The following PCDHA7 variants were observed in gnomAD, a reference collection of about 807,000 sequenced individuals.
The protein encoded by PCDHA7 is protocadherin alpha-7.
Under a neutral mutation model 57.2 loss-of-function variants are expected in PCDHA7, and 37 were observed. The observed-to-expected ratio is 0.65, with a 90% CI of 0.50 to 0.85. PCDHA7 has a LOEUF of 0.85. Among genes scored for constraint, PCDHA7 ranks in the 40% least tolerant of loss-of-function variants. The pLI, the probability that PCDHA7 is intolerant of heterozygous loss-of-function variation, is 0.00. For synonymous variants in PCDHA7, 553 were observed against 558.8 expected (o/e 0.99, Z 0.15); for missense variants, 1,188 against 1,241.8 (o/e 0.96, Z 0.65).
At chr5:140,863,157 C>G in intron 1 of PCDHA7, 1 of 638,958 alleles carries the variant, frequency 1.6e-6, no homozygotes, top group South Asian at 1.4e-5. Flanking sequence ...AGGACCACTG[C>G]GAGCTGGCGC....
At chr5:140,850,617 T>A in intron 1 of PCDHA7, 3 of 1,598,492 alleles carry the variant, frequency 1.9e-6, no homozygotes, top group African/African-American at 2.7e-5. Context: ...CTGCGCGGTG[T>A]CTAGCCTGTT....
chr5:140,851,644 C>A, intron 1 of PCDHA7: 1 of 913,486 alleles, frequency 1.1e-6, no homozygotes, highest in Non-Finnish European at 1.3e-6. Flanking sequence ...TTCCTTTCTT[C>A]AAGAAGACAT....
At chr5:140,848,538 C>G in intron 1 of PCDHA7, 1 of 1,595,318 alleles carries the variant, frequency 6.3e-7, no homozygotes. Flanking sequence ...TCAGCCTCTA[C>G]TGCTCTCGCT....
intron 1 of PCDHA7, among the ~76,000 whole-genome samples, chr5:140,947,543 G>T (rs1013985097): frequency 6.6e-5 from 10 of 151,548 alleles, no homozygotes; most frequent in Non-Finnish European, 1.2e-4. Flanking sequence ...TTTCTACAAA[G>T]AATTCCGCTG....
intron 1 of PCDHA7, chr5:140,884,203 C>G (rs554797854): frequency 6.2e-7 from 1 of 1,613,518 alleles, no homozygotes; most frequent in African/African-American, 1.3e-5. Context: ...CGCCGCACCA[C>G]CGCCTTCTGG....
intron 1 of PCDHA7, among the ~76,000 whole-genome samples, chr5:140,923,018 T>G (rs1353684633): frequency 6.6e-6 from 1 of 152,224 alleles, no homozygotes; most frequent in African/African-American, 2.4e-5. Flanking sequence ...GACTGCAGTT[T>G]CGGACTCTAT....
intron 1 of PCDHA7, chr5:140,858,010 C>T (rs1554151006): frequency 1.3e-6 from 2 of 1,596,376 alleles, no homozygotes; most frequent in South Asian, 1.1e-5. Flanking sequence ...AGGACCATGG[C>T]GAGCCGTCGC....
intron 2 of PCDHA7, among the ~76,000 whole-genome samples, chr5:140,982,032 C>G (rs1554243678): frequency 1.3e-5 from 2 of 152,162 alleles, no homozygotes; most frequent in Non-Finnish European, 2.9e-5. Flanking sequence ...GAACAATACT[C>G]CAATTATCAG....
At chr5:140,850,576 T>C (rs1554144521) in intron 1 of PCDHA7, 1 of 1,598,296 alleles carries the variant, frequency 6.3e-7, no homozygotes, top group East Asian at 2.2e-5. Flanking sequence ...GTGACGCTGG[T>C]GGATGTCAAC....
intron 1 of PCDHA7, chr5:140,871,206 C>T (rs781837610): frequency 2.5e-6 from 4 of 1,613,668 alleles, no homozygotes; most frequent in African/African-American, 1.3e-5. Flanking sequence ...ACCTGATCAT[C>T]GCCATCTGCG....
At chr5:141,009,602 T>G in intron 3 of PCDHA7, 25 bp from the exon 4 acceptor site, 1 of 1,608,136 alleles carries the variant, frequency 6.2e-7, no homozygotes, top group Non-Finnish European at 8.5e-7. Flanking sequence ...ACCCTGTTAA[T>G]GATTTGTAAT....
intron 1 of PCDHA7, among the ~76,000 whole-genome samples, chr5:140,944,016 A>G (rs2093596830): frequency 6.6e-6 from 1 of 152,182 alleles, no homozygotes; most frequent in Non-Finnish European, 1.5e-5. Flanking sequence ...CCCAAAAGCA[A>G]TTATCTTCAA....
chr5:140,850,431 C>T (rs2150484020), intron 1 of PCDHA7: 3 of 1,597,912 alleles, frequency 1.9e-6, no homozygotes, highest in Non-Finnish European at 1.7e-6. Flanking sequence ...ACCGCGCCAG[C>T]GCCTACTGGT....
rs782115498 is a variant in PCDHA7, at chr5:140,856,112, G to C, written c.2355+19374G>C. ...GCTGCTCTCGCTTCTTCTCCTCGCA[G>C]CCTGGGAGGTGGGGAGCGGCCAGCT... On this transcript the variant is annotated intron_variant, in intron 1 of 3. Coordinates refer to ENST00000525929, the MANE Select transcript of PCDHA7 (RefSeq NM_018910.3). The C allele has an allele frequency of 2.5e-6, 4 of 1,598,194 alleles. 1 individual carries two copies. The South Asian group carries it at 4.4e-5, about 18-fold the overall frequency.
chr5:140,857,392 C>G (rs142727326), intron 1 of PCDHA7: 2 of 1,598,470 alleles, frequency 1.3e-6, no homozygotes, highest in African/African-American at 1.3e-5. Flanking sequence ...CCGACGTGAA[C>G]GACAACGCGC....
intron 1 of PCDHA7, chr5:140,926,708 C>G (rs1554203635): frequency 2.2e-6 from 2 of 896,142 alleles, no homozygotes; most frequent in South Asian, 5.3e-5. Context: ...CCCAGCTGGC[C>G]AGCCCCGGCA....
rs1554214039 is a variant in PCDHA7 at position 140,941,214 on chromosome 5, C to CTTTCTTTCTTTCTTTCTTTCTTTCTTT, written c.2356-37735_2356-37734insTTTCTTTCTTTCTTTCTTTCTTTCTTT. ...TTTTTTCTTTCTTCCTTTCTTTCTTCCTTTCTTTCTTTCTTTCTTTCTTTC... is the reference window on the plus strand; with the variant it reads ...TTTTTTCTTTCTTCCTTTCTTTCTTCTTTCTTTCTTTCTTTCTTTCTTTCTTTCTTTCTTTCTTTCTTTCTTTCTTTC... On this transcript the variant is annotated intron_variant, in intron 1 of 3. Coordinates refer to ENST00000525929, the MANE Select transcript of PCDHA7 (RefSeq NM_018910.3). Among the ~76,000 whole-genome samples the CTTTCTTTCTTTCTTTCTTTCTTTCTTT allele has an allele frequency of 4.7e-4, 57 of 122,484 alleles. 1 individual carries two copies. The highest frequency in any genetic ancestry group is 1.6e-3 in the East Asian group (7 of 4,322). The allele number at this position is 122,484 out of a possible 152,430, so 80.4% of individuals were successfully genotyped here.
intron 1 of PCDHA7, among the ~76,000 whole-genome samples, chr5:140,903,726 A>G (rs2070539731): frequency 6.6e-6 from 1 of 152,248 alleles, no homozygotes; most frequent in South Asian, 2.1e-4. Context: ...TCTCCCTATT[A>G]TCAATTATTA....
At chr5:140,882,346 G>T (rs146510190) in intron 1 of PCDHA7, 36 of 1,614,194 alleles carry the variant, frequency 2.2e-5, no homozygotes, top group Non-Finnish European at 2.9e-5. Flanking sequence ...CCTGGGAGAC[G>T]GGTAGTGGCC....
Sources: gnomAD v4.1 joint callset for allele counts (sites outside exome capture counted in the v4.1 genomes callset) on GRCh38, gnomAD v4.1.1 for gene constraint, MANE v1.5 for transcripts, NCBI Gene and HGNC (gene_info 2026-07-23, HGNC 2026-07-21) for gene names.